TNFRSF8: variants seen among roughly 807,000 people sequenced by gnomAD.
TNFRSF8 encodes TNF receptor superfamily member 8.
Under a neutral mutation model 70.8 loss-of-function variants are expected in TNFRSF8, and 26 were observed. The ratio of observed to expected loss-of-function variants is 0.37; its 90% CI spans 0.27 to 0.51. TNFRSF8 has a LOEUF of 0.51. Ranked by LOEUF, TNFRSF8 falls within the 20% of genes least tolerant of loss-of-function variation. TNFRSF8 has a pLI of 0.94. For synonymous variants in TNFRSF8, 356 were observed against 339.2 expected (o/e 1.05, Z -0.54); for missense variants, 720 against 807.9 (o/e 0.89, Z 1.32).
intron 1 of TNFRSF8, among the ~76,000 whole-genome samples, chr1:12,074,786 T>C (rs1640909298): frequency 6.6e-6 from 1 of 152,054 alleles, no homozygotes; most frequent in Non-Finnish European, 1.5e-5. Flanking sequence ...TTTGTGTTTG[T>C]TTGTTTGTTT....
rs767372654 is a variant in TNFRSF8, at chr1:12,125,933, G to A, written c.1154-18G>A. 5 of 1,606,958 alleles carry A rather than the reference G, an allele frequency of 3.1e-6. No individual in the cohort carries two copies. In the East Asian group the frequency reaches 6.7e-5, roughly 21 times the overall value. ...GGTTGCAGCAAGGCAAAGAGTGTGG[G>A]GCGTCTCTGTGTTCCAGGGCCAGTG... is the stretch of plus-strand genomic sequence containing the variant. On this transcript the variant is annotated intron_variant, in intron 10 of 14. Transcript: ENST00000263932.
At chr1:12,097,474 A>G (rs1279678771) in intron 3 of TNFRSF8, among the ~76,000 whole-genome samples, 1 of 152,182 alleles carries the variant, frequency 6.6e-6, no homozygotes, top group Non-Finnish European at 1.5e-5. Context: ...AATCCTCACC[A>G]CAGCCCTAGG....
In TNFRSF8 at chr1:12,123,344, A is replaced by AC. The variant is rs1557599697; in HGVS notation, c.1011dup (p.Thr338HisfsTer25). On this transcript the variant is annotated frameshift_variant, in exon 9 of 15. Transcript: ENST00000263932. LOFTEE classifies it high-confidence loss of function. ...CCCCTGGGGACCCAGCCGGACTGCA[A>AC]CCCCACCCCAGAGAATGGCGAGGCG... The AC allele has an allele frequency of 6.2e-7, 1 of 1,612,930 alleles. No homozygotes were observed. The highest frequency in any genetic ancestry group is 1.1e-5 in the South Asian group (1 of 90,794).
Position 12,108,455 on chromosome 1 carries a change from A to G in TNFRSF8, c.422-1111A>G, listed in dbSNP as rs1641568094. ...ACATAGCATTTACCATATGTCATGC[A>G]ATGTGATGGGCACCTCACGTGCACT... On this transcript the variant is annotated intron_variant, in intron 4 of 14. Coordinates refer to ENST00000263932, the MANE Select transcript of TNFRSF8 (RefSeq NM_001243.5). This position sits in a 1 kb window ranked among gnomAD's most constrained non-coding sequence, Gnocchi z 4.0. Among the ~76,000 whole-genome samples, 1 of 152,214 alleles carries G rather than the reference A, an allele frequency of 6.6e-6. No individual in the cohort carries two copies. The highest frequency in any genetic ancestry group is 6.5e-5 in the Admixed American group (1 of 15,282).
chr1:12,082,989 T>A (rs1641092106), intron 1 of TNFRSF8, among the ~76,000 whole-genome samples: 1 of 150,230 alleles, frequency 6.7e-6, no homozygotes, highest in Non-Finnish European at 1.5e-5. Flanking sequence ...TAAAAAAAAA[T>A]GGCCACAAGA....
At chr1:12,094,784 C>G (rs963507457) in intron 2 of TNFRSF8, among the ~76,000 whole-genome samples, 1 of 152,004 alleles carries the variant, frequency 6.6e-6, no homozygotes, top group Non-Finnish European at 1.5e-5. Context: ...TACCACCATG[C>G]CCGGCTAATT....
intron 7 of TNFRSF8, among the ~76,000 whole-genome samples, chr1:12,114,978 AT>A (rs1641702103): frequency 6.6e-6 from 1 of 152,072 alleles, no homozygotes; most frequent in Non-Finnish European, 1.5e-5. Flanking sequence ...AAGTGCCGGG[AT>A]TACAGTCGTG....
At chr1:12,123,569 C>T in intron 9 of TNFRSF8, 146 bp from the exon 10 acceptor site, 1 of 897,222 alleles carries the variant, frequency 1.1e-6, no homozygotes, top group Non-Finnish European at 1.7e-6. Flanking sequence ...CAGTCCCTGC[C>T]CTCAAAATGC....
At position 12,109,976 on chromosome 1, in the gene TNFRSF8, G is replaced by T. The variant is rs915957437; in HGVS notation, c.513-65G>T. The stretch of plus-strand genomic sequence containing the variant: ...CCCATCTCTGTGGAAACTGTTACTC[G>T]TGAGCACAGGCCTCCCTTGCCCCAT... On this transcript the variant is annotated intron_variant, in intron 5 of 14. Transcript: ENST00000263932. This position sits in a 1 kb window ranked among gnomAD's most constrained non-coding sequence, Gnocchi z 4.4. The T allele has an allele frequency of 1.3e-6, 2 of 1,564,568 alleles. No homozygotes were observed. Among genetic ancestry groups the T allele is most frequent in the African/African-American group, 1.4e-5 (1 of 73,788 alleles).
intron 3 of TNFRSF8, among the ~76,000 whole-genome samples, chr1:12,098,767 T>G (rs1641371838): frequency 2.0e-5 from 3 of 152,160 alleles, no homozygotes; most frequent in Admixed American, 2.0e-4. Flanking sequence ...TCTCTTGCAG[T>G]AAAGGCAAAA....
chr1:12,121,823 A>G (rs1641833747), intron 8 of TNFRSF8, among the ~76,000 whole-genome samples: 1 of 152,218 alleles, frequency 6.6e-6, no homozygotes, highest in Non-Finnish European at 1.5e-5. Flanking sequence ...ACTGGAAACA[A>G]CCCAAATGTC....
In TNFRSF8 at chr1:12,111,628, A is replaced by G. The variant is rs564437955; in HGVS notation, c.677-270A>G. On this transcript the variant is annotated intron_variant, in intron 6 of 14. Coordinates refer to ENST00000263932, the MANE Select transcript of TNFRSF8 (RefSeq NM_001243.5). The stretch of plus-strand genomic sequence containing the variant: ...CAGGGGAGTGACAGAGCCATGAGAC[A>G]GGGTTGGGGGAAGCTGTGGCATGGT... Among the ~76,000 whole-genome samples, 232 of 152,180 alleles carry G rather than the reference A, an allele frequency of 1.5e-3. 1 individual carries two copies. Among genetic ancestry groups the G allele is most frequent in the Non-Finnish European group, 1.9e-3 (126 of 67,986 alleles).
chr1:12,082,984 A>G (rs1244458056), intron 1 of TNFRSF8, among the ~76,000 whole-genome samples: 1 of 152,246 alleles, frequency 6.6e-6, no homozygotes, highest in East Asian at 1.9e-4. Context: ...CCAATTAAAA[A>G]AAAATGGCCA....
chr1:12,128,042 C>T (rs11569925), intron 12 of TNFRSF8, among the ~76,000 whole-genome samples: 43 of 152,260 alleles, frequency 2.8e-4, no homozygotes, highest in African/African-American at 9.9e-4. Context: ...CACAGAGCAC[C>T]GGGTGAGAAT....
At chr1:12,133,482 C>A (rs1405496053) in intron 12 of TNFRSF8, among the ~76,000 whole-genome samples, 1 of 152,122 alleles carries the variant, frequency 6.6e-6, no homozygotes, top group African/African-American at 2.4e-5. Context: ...TGGCTCACGC[C>A]TGTAATCCCA....
intron 2 of TNFRSF8, among the ~76,000 whole-genome samples, chr1:12,094,852 A>C (rs1272083151): frequency 4.6e-5 from 7 of 151,682 alleles, no homozygotes; most frequent in African/African-American, 1.7e-4. Context: ...TCTTGAACTT[A>C]TGACCTCAAA....
At chr1:12,123,205 C>T in intron 8 of TNFRSF8, 79 bp from the exon 9 acceptor site, 1 of 1,267,690 alleles carries the variant, frequency 7.9e-7, no homozygotes, top group Non-Finnish European at 1.1e-6. Context: ...TGGAAGCCAC[C>T]AGTCCCTGCT....
intron 3 of TNFRSF8, among the ~76,000 whole-genome samples, chr1:12,100,124 A>G (rs11121859): frequency 0.2 from 30,544 of 152,002 alleles, 3,196 homozygotes; most frequent in East Asian, 0.35. Context: ...CGCCGAGATC[A>G]TGCCACTGCA....
At position 12,067,646 on chromosome 1, in the gene TNFRSF8, C is replaced by T. The variant is rs149691549; in HGVS notation, c.63+3985C>T. ...GGAGGTTGCAGTGAGCCAGCACTCC[C>T]GCCTGGGTGGCAGTGAGACTGTATT... is the stretch of plus-strand genomic sequence containing the variant. On this transcript the variant is annotated intron_variant, in intron 1 of 14. Coordinates refer to ENST00000263932, the MANE Select transcript of TNFRSF8 (RefSeq NM_001243.5). Among the ~76,000 whole-genome samples the T allele has an allele frequency of 7.9e-3, 1,192 of 151,742 alleles. 15 individuals are homozygous for T. The highest frequency in any genetic ancestry group is 0.028 in the African/African-American group (1,150 of 41,344).
Sources: gnomAD v4.1 joint callset for allele counts (sites outside exome capture counted in the v4.1 genomes callset) on GRCh38, gnomAD v4.1.1 for gene constraint, Gnocchi (gnomAD v3.1) non-coding constraint, MANE v1.5 for transcripts, NCBI Gene and HGNC (gene_info 2026-07-23, HGNC 2026-07-21) for gene names.